ZNF474: variants seen among roughly 807,000 people sequenced by gnomAD.
The protein encoded by ZNF474 is zinc finger protein 474.
For missense variants in ZNF474, 511 were observed against 433.8 expected, an observed-to-expected ratio of 1.18 and a Z score of -1.58; for synonymous variants, 192 against 162.2, an observed-to-expected ratio of 1.18 and a Z score of -1.39.
At chr5:122,141,883 T>C (rs374057835) in intron 1 of ZNF474, among the ~76,000 whole-genome samples, 1 of 152,352 alleles carries the variant, frequency 6.6e-6, no homozygotes, top group East Asian at 1.9e-4. Context: ...CTTGAAATTT[T>C]TTCTGCTGCT....
chr5:122,131,106 A>G (rs1458526304), intron 1 of ZNF474, among the ~76,000 whole-genome samples: 1 of 152,258 alleles, frequency 6.6e-6, no homozygotes, highest in East Asian at 1.9e-4. Context: ...TCACAAGGAG[A>G]TATTACCATA....
In ZNF474 at chr5:122,137,273, G is replaced by A. The variant is rs563478268; in HGVS notation, c.-213+7590G>A. Among the ~76,000 whole-genome samples, 3 of 151,408 alleles carry A rather than the reference G, an allele frequency of 2.0e-5. No individual in the cohort carries two copies. The East Asian group carries it at 5.9e-4, about 30-fold the overall frequency. On this transcript the variant is annotated intron_variant, in intron 1 of 1. Coordinates refer to ENST00000296600, the MANE Select transcript of ZNF474 (RefSeq NM_207317.3). ...CTGGCCAACATGGGCAACAACAGTA[G>A]CCCATCTCTACTAAAAATACAAAAA... is the stretch of plus-strand genomic sequence containing the variant.
chr5:122,131,312 A>C (rs1755570073), intron 1 of ZNF474, among the ~76,000 whole-genome samples: 1 of 152,180 alleles, frequency 6.6e-6, no homozygotes, highest in Non-Finnish European at 1.5e-5. Context: ...ACTGCTGGGT[A>C]TATATCCAAA....
intron 1 of ZNF474, among the ~76,000 whole-genome samples, chr5:122,140,323 T>C (rs1222485796): frequency 6.6e-6 from 1 of 152,186 alleles, no homozygotes; most frequent in Non-Finnish European, 1.5e-5. Context: ...GTAGATTGTA[T>C]CAACATCAAC....
At chr5:122,142,351 T>C (rs1399279479) in intron 1 of ZNF474, among the ~76,000 whole-genome samples, 3 of 152,244 alleles carry the variant, frequency 2.0e-5, no homozygotes, top group African/African-American at 7.2e-5. Context: ...TCCAATCTTA[T>C]GTGTGACTTA....
At chr5:122,142,556 C>A (rs114927795) in intron 1 of ZNF474, among the ~76,000 whole-genome samples, 10 of 152,226 alleles carry the variant, frequency 6.6e-5, no homozygotes, top group African/African-American at 2.2e-4. Context: ...AAAGAATGAA[C>A]GTTTCCCCTA....
Position 122,153,312 on chromosome 5 carries a change from C to A in ZNF474, c.*227C>A. On this transcript the variant is annotated 3_prime_UTR_variant, in exon 2 of 2. Transcript: ENST00000296600. Reference sequence around the variant, plus strand: ...AGAAGAAGAGATGGACTTCTTTCTTCCCTGATCCCTGATACAAATAATCCC... The same window carrying A: ...AGAAGAAGAGATGGACTTCTTTCTTACCTGATCCCTGATACAAATAATCCC... 1 of 489,056 alleles carries A rather than the reference C, an allele frequency of 2.0e-6. No homozygotes were observed. Among genetic ancestry groups the A allele is most frequent in the South Asian group, 5.6e-5 (1 of 17,848 alleles). 30.3% of individuals were successfully genotyped at this position (489,056 alleles called of 1,614,324 possible). A position where few individuals can be genotyped will look rare whatever the true frequency, so the allele number is the denominator to read the frequency against.
In ZNF474 at chr5:122,152,264, C is replaced by G. The variant is rs1580611662; in HGVS notation, c.274C>G (p.Pro92Ala). 4 of 1,614,200 alleles carry G rather than the reference C, an allele frequency of 2.5e-6. No homozygotes were observed. The highest frequency in any genetic ancestry group is 3.4e-6 in the Non-Finnish European group (4 of 1,180,042). Residue 92 changes from proline to alanine, a missense_variant, in exon 2 of 2, where the codon CCT becomes GCT. Pro to Ala is a conservative substitution (Grantham distance 27, BLOSUM62 -1). Coordinates refer to ENST00000296600, the MANE Select transcript of ZNF474 (RefSeq NM_207317.3). ...LSPPVIPARR[P>A]GFRVCYICGR... ...CCCCCCTGTGATCCCGGCCCGCAGG[C>G]CTGGATTCCGGGTATGCTATATCTG...
At chr5:122,132,966 A>G (rs1755614786) in intron 1 of ZNF474, among the ~76,000 whole-genome samples, 1 of 152,192 alleles carries the variant, frequency 6.6e-6, no homozygotes, top group Non-Finnish European at 1.5e-5. Flanking sequence ...TTACTAGTGA[A>G]CCATACGCAA....
Position 122,153,485 on chromosome 5 carries a change from G to A in ZNF474, c.*400G>A, listed in dbSNP as rs990844967. On this transcript the variant is annotated 3_prime_UTR_variant, in exon 2 of 2. Transcript: ENST00000296600. ...ATTTTTGGCAATGCTGGGTTATGCT[G>A]AGTTTATCTTACTAAAATAGAATCT... The A allele has an allele frequency of 1.2e-4, 23 of 186,494 alleles. No homozygotes were observed. Among genetic ancestry groups the A allele is most frequent in the Non-Finnish European group, 2.3e-4 (19 of 81,078 alleles). 11.6% of individuals were successfully genotyped at this position (186,494 alleles called of 1,614,324 possible).
At chr5:122,148,465 T>G (rs1379790084) in intron 1 of ZNF474, among the ~76,000 whole-genome samples, 3 of 152,196 alleles carry the variant, frequency 2.0e-5, no homozygotes, top group African/African-American at 7.2e-5. Flanking sequence ...GTAAGATCTA[T>G]CCCTAATCAA....
intron 1 of ZNF474, among the ~76,000 whole-genome samples, chr5:122,129,992 T>TA (rs982136744): frequency 6.6e-6 from 1 of 152,192 alleles, no homozygotes; most frequent in Non-Finnish European, 1.5e-5. Flanking sequence ...TTCTAATACC[T>TA]AAAAAATAAT....
intron 1 of ZNF474, among the ~76,000 whole-genome samples, chr5:122,140,212 A>G (rs1755802391): frequency 6.6e-6 from 1 of 152,348 alleles, no homozygotes; most frequent in Non-Finnish European, 1.5e-5. Flanking sequence ...AATTCTTATT[A>G]AAAACAGCAG....
chr5:122,131,826 A>T (rs1755584339), intron 1 of ZNF474, among the ~76,000 whole-genome samples: 1 of 152,076 alleles, frequency 6.6e-6, no homozygotes, highest in African/African-American at 2.4e-5. Context: ...CCTTTTACCC[A>T]TTTAACATTT....
intron 1 of ZNF474, among the ~76,000 whole-genome samples, chr5:122,130,173 T>G (rs1473356616): frequency 6.6e-6 from 1 of 152,186 alleles, no homozygotes; most frequent in East Asian, 1.9e-4. Flanking sequence ...TTTTTTTAAT[T>G]ATTTGAGATA....
At position 122,151,872 on chromosome 5, in the gene ZNF474, GT is replaced by G; in HGVS notation, c.-118del. The stretch of plus-strand genomic sequence containing the variant: ...CTGAGTCACGGTCTGTGAGGCTAAG[GT>G]ACTGGCAACGGTGTGAACCCCAGGA... On this transcript the variant is annotated 5_prime_UTR_variant, in exon 2 of 2. Transcript: ENST00000296600. 1 of 1,264,778 alleles carries G rather than the reference GT, an allele frequency of 7.9e-7. No individual in the cohort carries two copies. The highest frequency in any genetic ancestry group is 1.1e-6 in the Non-Finnish European group (1 of 923,178). The allele number at this position is 1,264,778 out of a possible 1,614,324, so 78.3% of individuals were successfully genotyped here.
chr5:122,142,927 A>G (rs1359391409), intron 1 of ZNF474, among the ~76,000 whole-genome samples: 2 of 152,176 alleles, frequency 1.3e-5, no homozygotes, highest in East Asian at 1.9e-4. Flanking sequence ...TCATGCACAC[A>G]GCAGAGACCC....
intron 1 of ZNF474, among the ~76,000 whole-genome samples, chr5:122,132,396 T>C (rs896412411): frequency 1.3e-5 from 2 of 152,064 alleles, no homozygotes; most frequent in African/African-American, 4.8e-5. Flanking sequence ...AAAGTTAAAT[T>C]TTTAGATAAT....
chr5:122,130,033 A>G lies in ZNF474; in HGVS notation c.-213+350A>G, dbSNP rs546991397. ...TGTATTTAAAAGAATGATTTTTAAA[A>G]TAACTTTCTTCAAAGAAAAGTAGAT... On this transcript the variant is annotated intron_variant, in intron 1 of 1. Coordinates refer to ENST00000296600, the MANE Select transcript of ZNF474 (RefSeq NM_207317.3). 2.6e-5 allele frequency among the ~76,000 whole-genome samples: 4 copies of G among 152,344 alleles called. No homozygotes were observed. The South Asian group carries it at 8.3e-4, about 32-fold the overall frequency.
Sources: allele counts gnomAD v4.1 joint callset (sites outside exome capture counted in the v4.1 genomes callset), GRCh38; gene constraint gnomAD v4.1.1; transcripts MANE v1.5; gene names NCBI Gene and HGNC (gene_info 2026-07-23, HGNC 2026-07-21).